The following DLGAP2 variants were observed in gnomAD, a reference collection of about 807,000 sequenced individuals.
DLGAP2 encodes the protein DLG associated protein 2.
Under a neutral mutation model 100.3 loss-of-function variants are expected in DLGAP2, and 26 were observed. That is an observed-to-expected ratio of 0.26 (90% CI 0.19 to 0.36). The LOEUF (loss-of-function observed/expected upper bound fraction) is 0.36, where lower values mean the gene tolerates loss of function less well. DLGAP2 is among the 10% of genes least tolerant of loss of function. The pLI is 1.00. For missense variants in DLGAP2, 1,858 were observed against 1,453.2 expected (o/e 1.28, Z -4.53); for synonymous variants, 886 against 630.1 (o/e 1.41, Z -6.08).
rs1563161401 is a variant in DLGAP2, at chr8:1,043,192, T to TGGTGGATGCG, written c.73+135231_73+135232insATGCGGGTGG. Among the ~76,000 whole-genome samples the TGGTGGATGCG allele has an allele frequency of 3.5e-4, 11 of 31,394 alleles. No homozygotes were observed. In the South Asian group the frequency reaches 4.7e-3, roughly 13 times the overall value. The allele number at this position is 31,394 out of a possible 152,430, so 20.6% of individuals were successfully genotyped here. On this transcript the variant is annotated intron_variant, in intron 2 of 14. Transcript: ENST00000637795. ...GGTGGTGGGTGTGGGTGGTGGGTGT[T>TGGTGGATGCG]GGTGGTGGATGCGGGTGGTGGGTGT...
intron 2 of DLGAP2, among the ~76,000 whole-genome samples, chr8:1,012,193 C>T (rs1379358134): frequency 1.3e-5 from 2 of 152,198 alleles, no homozygotes; most frequent in African/African-American, 4.8e-5. Flanking sequence ...TAATTTTCGT[C>T]CTCACTCAGG....
intron 3 of DLGAP2, among the ~76,000 whole-genome samples, chr8:1,260,801 G>T (rs1210663916): frequency 1.3e-5 from 2 of 152,236 alleles, no homozygotes; most frequent in East Asian, 3.9e-4. Context: ...GGCGCAGGCT[G>T]ACTTGAGGCG....
intron 2 of DLGAP2, among the ~76,000 whole-genome samples, chr8:1,207,190 A>G (rs1028620110): frequency 6.6e-6 from 1 of 152,206 alleles, no homozygotes; most frequent in Non-Finnish European, 1.5e-5. Flanking sequence ...CACGCAAGCC[A>G]TGTACACTGT....
chr8:835,458 C>G (rs143694593), intron 1 of DLGAP2, among the ~76,000 whole-genome samples: 1 of 151,886 alleles, frequency 6.6e-6, no homozygotes, highest in Non-Finnish European at 1.5e-5. Flanking sequence ...CCACGCCGCC[C>G]CCTAGAATGC....
In DLGAP2 at chr8:984,043, C is replaced by T. The variant is rs538017310; in HGVS notation, c.73+76077C>T. 1.2e-4 allele frequency among the ~76,000 whole-genome samples: 19 copies of T among 152,172 alleles called. No homozygotes were observed. The South Asian group carries it at 2.5e-3, about 20-fold the overall frequency. ...GTCAGAGAAATGGTCCTTGGGTGTG[C>T]GGGCGGTCACTCCTCCCGGTGTCTC... On this transcript the variant is annotated intron_variant, in intron 2 of 14. Transcript: ENST00000637795.
intron 2 of DLGAP2, among the ~76,000 whole-genome samples, chr8:1,211,567 C>T (rs1043231554): frequency 2.0e-5 from 3 of 152,164 alleles, no homozygotes; most frequent in Admixed American, 6.5e-5. Context: ...ACCACATCAC[C>T]GTATCCATTA....
intron 2 of DLGAP2, among the ~76,000 whole-genome samples, chr8:1,222,115 C>G (rs904267590): frequency 6.6e-6 from 1 of 152,096 alleles, no homozygotes; most frequent in Non-Finnish European, 1.5e-5. Flanking sequence ...GAAACATTGC[C>G]GGGGAGCTAG....
At chr8:1,522,106 CTT>C (rs1398946331) in intron 4 of DLGAP2, among the ~76,000 whole-genome samples, 9 of 151,992 alleles carry the variant, frequency 5.9e-5, no homozygotes, top group African/African-American at 2.2e-4. Flanking sequence ...GGTTTGCACA[CTT>C]GTTTTAATTT....
intron 1 of DLGAP2, among the ~76,000 whole-genome samples, chr8:749,275 G>A (rs923406599): frequency 6.6e-6 from 1 of 152,216 alleles, no homozygotes; most frequent in African/African-American, 2.4e-5. Flanking sequence ...ACAGGCATCA[G>A]CCATTGCACC....
intron 3 of DLGAP2, among the ~76,000 whole-genome samples, chr8:1,466,721 G>C (rs955409748): frequency 2.0e-5 from 3 of 152,162 alleles, no homozygotes; most frequent in African/African-American, 7.2e-5. Context: ...GTGCCATGCA[G>C]CTCTCAGTGA....
chr8:1,379,743 C>G (rs1175716137), intron 3 of DLGAP2: 1 of 152,394 alleles, frequency 6.6e-6, no homozygotes, highest in East Asian at 1.9e-4. Flanking sequence ...GCAACCGTGC[C>G]TGGGAGAAGG....
At position 1,594,333 on chromosome 8, in the gene DLGAP2, C is replaced by T. The variant is rs1362848274; in HGVS notation, c.1442+28439C>T. Among the ~76,000 whole-genome samples the T allele has an allele frequency of 2.0e-5, 3 of 151,876 alleles. No individual in the cohort carries two copies. In the East Asian group the frequency reaches 5.8e-4, roughly 29 times the overall value. ...CAAAACAAGGGATATGAAGATGCCC[C>T]CTAAGGTCAAGAGAACAATGAAGGA... On this transcript the variant is annotated intron_variant, in intron 6 of 14. Coordinates refer to ENST00000637795, the MANE Select transcript of DLGAP2 (RefSeq NM_001346810.2).
chr8:1,366,907 T>C (rs922283878), intron 3 of DLGAP2, among the ~76,000 whole-genome samples: 1 of 151,888 alleles, frequency 6.6e-6, no homozygotes, highest in African/African-American at 2.4e-5. Context: ...CACACATGCA[T>C]GTGACCACAG....
chr8:877,749 G>A (rs762789052), intron 1 of DLGAP2, among the ~76,000 whole-genome samples: 3 of 152,176 alleles, frequency 2.0e-5, no homozygotes, highest in African/African-American at 4.8e-5. Flanking sequence ...GCTCCCGAGA[G>A]CTCCCTTAGG....
intron 3 of DLGAP2, 135 bp from the exon 4 acceptor site, chr8:1,501,231 G>A: frequency 1.1e-6 from 1 of 911,276 alleles, no homozygotes; most frequent in South Asian, 1.6e-5. Flanking sequence ...GCTCTGAGCG[G>A]TGACGTTTGA....
At chr8:913,005 T>C (rs1428401702) in intron 2 of DLGAP2, among the ~76,000 whole-genome samples, 1 of 152,270 alleles carries the variant, frequency 6.6e-6, no homozygotes, top group Non-Finnish European at 1.5e-5. Context: ...TAGTTGTGCA[T>C]TGGCAAAATG....
chr8:980,774 C>G (rs573508252), intron 2 of DLGAP2, among the ~76,000 whole-genome samples: 1 of 151,934 alleles, frequency 6.6e-6, no homozygotes, highest in African/African-American at 2.4e-5. Flanking sequence ...AATGGGGGCT[C>G]GACAGGTGGC....
chr8:1,521,053 G>T (rs926669799), intron 4 of DLGAP2, among the ~76,000 whole-genome samples: 41 of 152,182 alleles, frequency 2.7e-4, no homozygotes, highest in African/African-American at 9.9e-4. Flanking sequence ...TTCTATTCGG[G>T]GTGTGGTGGT....
intron 2 of DLGAP2, among the ~76,000 whole-genome samples, chr8:952,985 A>G (rs768244779): frequency 6.6e-6 from 1 of 152,202 alleles, no homozygotes; most frequent in Non-Finnish European, 1.5e-5. Context: ...CTCATACATG[A>G]GATTATAGCA....
Sources: gnomAD v4.1 joint callset for allele counts (sites outside exome capture counted in the v4.1 genomes callset) on GRCh38, gnomAD v4.1.1 for gene constraint, MANE v1.5 for transcripts, NCBI Gene and HGNC (gene_info 2026-07-23, HGNC 2026-07-21) for gene names.